Variants in ADAMTSL1 observed in about 807,000 individuals in gnomAD.
ADAMTSL1 encodes ADAMTS-like protein 1.
In ADAMTSL1, 126 loss-of-function variants were observed where a neutral mutation model predicts 201.8. That is an observed-to-expected ratio of 0.62 (90% CI 0.54 to 0.72). The LOEUF is 0.72. ADAMTSL1 is among the 30% of genes least tolerant of loss of function. The probability of loss-of-function intolerance (pLI) is 0.00; values close to 1 mark genes in which losing one functional copy is unlikely to be tolerated. For synonymous variants in ADAMTSL1, 1,121 were observed against 903.4 expected (o/e 1.24, Z -4.32); for missense variants, 2,679 against 2,277.8 (o/e 1.18, Z -3.59).
chr9:18,857,948 CT>C (rs1416324958), intron 23 of ADAMTSL1, among the ~76,000 whole-genome samples: 1 of 152,158 alleles, frequency 6.6e-6, no homozygotes, highest in Non-Finnish European at 1.5e-5. Context: ...TCATCTTGAA[CT>C]TTCCCTGCTC....
Position 18,847,751 on chromosome 9 carries a change from C to T in ADAMTSL1, c.4249+17774C>T, listed in dbSNP as rs965494716. 2.0e-5 allele frequency among the ~76,000 whole-genome samples: 3 copies of T among 152,212 alleles called. No homozygotes were observed. The South Asian group carries it at 6.2e-4, about 32-fold the overall frequency. Reference sequence around the variant, plus strand: ...CATGCCTAGTGTGTTCCAGGAACAACAAAAAGGCCAGTGTGGCCACAATGA... The same window carrying T: ...CATGCCTAGTGTGTTCCAGGAACAATAAAAAGGCCAGTGTGGCCACAATGA... On this transcript the variant is annotated intron_variant, in intron 23 of 28. Coordinates refer to ENST00000380548, the MANE Select transcript of ADAMTSL1 (RefSeq NM_001040272.6).
chr9:18,743,907 C>G (rs1186968745), intron 15 of ADAMTSL1, among the ~76,000 whole-genome samples: 1 of 152,172 alleles, frequency 6.6e-6, no homozygotes, highest in East Asian at 1.9e-4. Flanking sequence ...AACTGCTTTT[C>G]TGACTTTGTC....
Position 18,670,117 on chromosome 9 carries a change from A to C in ADAMTSL1, c.1086-5740A>C, listed in dbSNP as rs149300512. ...TAGAGAAGATGGAGCACCATTTTCT[A>C]TACAAGAGACCCTTCTACTACACAC... On this transcript the variant is annotated intron_variant, in intron 9 of 28. Transcript: ENST00000380548. 3.3e-5 allele frequency among the ~76,000 whole-genome samples: 5 copies of C among 152,310 alleles called. No homozygotes were observed. The East Asian group carries it at 9.6e-4, about 29-fold the overall frequency.
chr9:18,170,293 A>G (rs986809778), intron 2 of ADAMTSL1, among the ~76,000 whole-genome samples: 2 of 152,078 alleles, frequency 1.3e-5, no homozygotes, highest in Admixed American at 1.3e-4. Flanking sequence ...AGGAAAAAGG[A>G]AGCTGGGGAA....
intron 1 of ADAMTSL1, among the ~76,000 whole-genome samples, chr9:18,502,326 G>A (rs879769336): frequency 3.3e-5 from 5 of 152,308 alleles, no homozygotes; most frequent in South Asian, 2.1e-4. Flanking sequence ...TCGCATTGCA[G>A]AGATATATAT....
Position 18,460,270 on chromosome 9 carries a change from G to A in ADAMTSL1, c.208-44559G>A, listed in dbSNP as rs146840099. ...TTTTTCAAAATAGTAAATAAACACCGTATCTTATTTATAAATCTTGTCAAG... is the reference window on the plus strand; with the variant it reads ...TTTTTCAAAATAGTAAATAAACACCATATCTTATTTATAAATCTTGTCAAG... On this transcript the variant is annotated intron_variant, in intron 2 of 29. Coordinates refer to the ADAMTSL1 transcript ENST00000680146. 1.4e-3 allele frequency among the ~76,000 whole-genome samples: 212 copies of A among 152,220 alleles called. 2 individuals are homozygous for A. The highest frequency in any genetic ancestry group is 4.7e-3 in the African/African-American group (196 of 41,534).
In ADAMTSL1 at chr9:18,279,156, A is replaced by G. The variant is rs527446475; in HGVS notation, c.207+115175A>G. ...GATGTTTACAGTTGTCCCTCAGTAT[A>G]CATGAGGAATTGGTTCCAGAACTGC... On this transcript the variant is annotated intron_variant, in intron 2 of 29. Coordinates refer to the ADAMTSL1 transcript ENST00000680146. Among the ~76,000 whole-genome samples, 13 of 152,290 alleles carry G rather than the reference A, an allele frequency of 8.5e-5. No individual in the cohort carries two copies. The South Asian group carries it at 1.9e-3, about 22-fold the overall frequency.
At chr9:17,953,438 G>T (rs1437227885) in intron 1 of ADAMTSL1, among the ~76,000 whole-genome samples, 1 of 152,152 alleles carries the variant, frequency 6.6e-6, no homozygotes, top group Non-Finnish European at 1.5e-5. Flanking sequence ...CAAAAGCAAA[G>T]TGCTTTTGAC....
intron 1 of ADAMTSL1, among the ~76,000 whole-genome samples, chr9:17,968,792 G>T (rs1028707727): frequency 5.3e-5 from 8 of 152,068 alleles, no homozygotes; most frequent in African/African-American, 1.9e-4. Context: ...GGTCTTTGGA[G>T]GGCTTCTAAT....
intron 2 of ADAMTSL1, among the ~76,000 whole-genome samples, chr9:18,243,460 T>A (rs1831143323): frequency 6.6e-6 from 1 of 152,092 alleles, no homozygotes; most frequent in Non-Finnish European, 1.5e-5. Flanking sequence ...CCGATTATGT[T>A]TTATCAGCTC....
In ADAMTSL1 at chr9:18,268,818, G is replaced by A. The variant is rs933284461; in HGVS notation, c.207+104837G>A. ...TTTATTCTTGAGATTGGAAATAAAA[G>A]CAATTGGGTCATAGTTCATTAGATT... On this transcript the variant is annotated intron_variant, in intron 2 of 29. Coordinates refer to the ADAMTSL1 transcript ENST00000680146. Among the ~76,000 whole-genome samples, 5 of 152,208 alleles carry A rather than the reference G, an allele frequency of 3.3e-5. No individual in the cohort carries two copies. The South Asian group carries it at 6.2e-4, about 19-fold the overall frequency.
intron 1 of ADAMTSL1, among the ~76,000 whole-genome samples, chr9:18,023,181 C>G (rs1253721785): frequency 6.6e-6 from 1 of 151,760 alleles, no homozygotes; most frequent in Non-Finnish European, 1.5e-5. Flanking sequence ...AGCAATTTAC[C>G]TAGAACAATG....
intron 15 of ADAMTSL1, among the ~76,000 whole-genome samples, chr9:18,730,327 T>A (rs993278651): frequency 6.6e-6 from 1 of 152,264 alleles, no homozygotes; most frequent in African/African-American, 2.4e-5. Context: ...AAGAGATGTT[T>A]AAGTGACATA....
At chr9:18,494,094 C>T (rs150000180) in intron 1 of ADAMTSL1, among the ~76,000 whole-genome samples, 2,704 of 152,224 alleles carry the variant, frequency 0.018, 79 homozygotes, top group African/African-American at 0.062. Flanking sequence ...TGGTGGCTCA[C>T]GCCTGTAATC....
At chr9:18,875,152 C>G (rs116029169) in intron 23 of ADAMTSL1, among the ~76,000 whole-genome samples, 1,705 of 152,192 alleles carry the variant, frequency 0.011, 29 homozygotes, top group African/African-American at 0.039. Flanking sequence ...TGAATCTTCT[C>G]TCTTCTTGGT....
At chr9:18,030,085 G>A (rs898541064) in intron 1 of ADAMTSL1, among the ~76,000 whole-genome samples, 8 of 152,182 alleles carry the variant, frequency 5.3e-5, no homozygotes, top group African/African-American at 1.4e-4. Flanking sequence ...CTGCTATAAA[G>A]ACACATGCAC....
At chr9:18,660,052 T>G (rs1828975481) in intron 8 of ADAMTSL1, among the ~76,000 whole-genome samples, 1 of 152,168 alleles carries the variant, frequency 6.6e-6, no homozygotes, top group Non-Finnish European at 1.5e-5. Context: ...TGATGTTAGA[T>G]TTACATGTAT....
At chr9:18,490,848 C>T (rs1249743760) in intron 1 of ADAMTSL1, among the ~76,000 whole-genome samples, 1 of 152,088 alleles carries the variant, frequency 6.6e-6, no homozygotes, top group Non-Finnish European at 1.5e-5. Context: ...GGGCAGAAGC[C>T]AGATTACAAA....
At chr9:18,774,882 T>C (rs1268419366) in intron 17 of ADAMTSL1, among the ~76,000 whole-genome samples, 1 of 152,210 alleles carries the variant, frequency 6.6e-6, no homozygotes, top group Non-Finnish European at 1.5e-5. Flanking sequence ...TGTTTTTGTC[T>C]CTCTTGGGTA....
Sources: gnomAD v4.1 joint callset for allele counts (sites outside exome capture counted in the v4.1 genomes callset) on GRCh38, gnomAD v4.1.1 for gene constraint, MANE v1.5 for transcripts, NCBI Gene and HGNC (gene_info 2026-07-23, HGNC 2026-07-21) for gene names.